TRAPPC10: variants seen among roughly 807,000 people sequenced by gnomAD.
The protein encoded by TRAPPC10 is trafficking protein particle complex subunit 10.
Under a neutral mutation model 125.5 loss-of-function variants are expected in TRAPPC10, and 23 were observed. The ratio of observed to expected loss-of-function variants is 0.18; its 90% CI spans 0.13 to 0.26. The LOEUF (loss-of-function observed/expected upper bound fraction) is 0.26, where lower values mean the gene tolerates loss of function less well. Ranked by LOEUF, TRAPPC10 falls within the 10% of genes least tolerant of loss-of-function variation. The pLI is 1.00. For missense variants in TRAPPC10, 1,123 were observed against 1,308.4 expected, an observed-to-expected ratio of 0.86 and a Z score of 2.19; for synonymous variants, 509 against 518.0, an observed-to-expected ratio of 0.98 and a Z score of 0.24.
chr21:44,023,363 T>C (rs2032744616), intron 1 of TRAPPC10, among the ~76,000 whole-genome samples: 1 of 152,108 alleles, frequency 6.6e-6, no homozygotes. Flanking sequence ...GTGAGTTGGT[T>C]CACTGGCATC....
intron 3 of TRAPPC10, among the ~76,000 whole-genome samples, chr21:44,048,442 C>T (rs190764665): frequency 6.6e-6 from 1 of 152,232 alleles, no homozygotes; most frequent in Non-Finnish European, 1.5e-5. Context: ...GTCTTGAAAA[C>T]CACTGATTCA....
intron 15 of TRAPPC10, 108 bp downstream of exon 15, chr21:44,084,371 A>C: frequency 8.7e-7 from 1 of 1,155,318 alleles, no homozygotes; most frequent in East Asian, 2.8e-5. Flanking sequence ...TGCCTTTAAG[A>C]GATATTTTGG....
Position 44,052,352 on chromosome 21 carries a change from T to C in TRAPPC10, c.358T>C (p.Ser120Pro), listed in dbSNP as rs762258574. ...KWQNVLKAHS[S>P]VDWLIVIVEN... ...GCAGAATGTTCTGAAGGCTCATAGC[T>C]CTGTGGACTGGTTAATAGTGATAGT... Residue 120 changes from serine (S) to proline (P), a missense_variant, in exon 4 of 23, where the codon TCT becomes CCT. Ser to Pro is a moderately conservative substitution (Grantham distance 74). Transcript: ENST00000291574. 7.4e-6 allele frequency: 12 copies of C among 1,613,876 alleles called. No individual in the cohort carries two copies. The highest frequency in any genetic ancestry group is 1.0e-5 in the Non-Finnish European group (12 of 1,179,968).
chr21:44,012,914 C>T (rs1028023074), intron 1 of TRAPPC10, among the ~76,000 whole-genome samples: 3 of 152,064 alleles, frequency 2.0e-5, no homozygotes, highest in South Asian at 2.1e-4. Flanking sequence ...CGCCCGGGAC[C>T]TGGGGGCCCC....
At chr21:44,061,047 C>G (rs917565839) in intron 6 of TRAPPC10, among the ~76,000 whole-genome samples, 1 of 152,126 alleles carries the variant, frequency 6.6e-6, no homozygotes, top group African/African-American at 2.4e-5. Context: ...AAGCGATTCT[C>G]TTGCCTCAGC....
rs1375788181 is a variant in TRAPPC10 at position 44,055,895 on chromosome 21, TACTTG to T, written c.678+6_678+10del. On this transcript the variant is annotated splice_donor_5th_base_variant and intron_variant, in intron 5 of 22. Coordinates refer to ENST00000291574, the MANE Select transcript of TRAPPC10 (RefSeq NM_003274.5). ...TTTTGTGAATATTTCATGGTTCAGG[TACTTG>T]ACTCATTACAGAACTAGACAGTTCC... 5.0e-6 allele frequency: 8 copies of T among 1,595,324 alleles called. No homozygotes were observed. Among genetic ancestry groups the T allele is most frequent in the Non-Finnish European group, 6.9e-6 (8 of 1,165,186 alleles).
intron 7 of TRAPPC10, among the ~76,000 whole-genome samples, chr21:44,064,176 T>A (rs2036256072): frequency 6.6e-6 from 1 of 152,258 alleles, no homozygotes; most frequent in South Asian, 2.1e-4. Flanking sequence ...ATGTAGACAT[T>A]TATTTATTTG....
intron 9 of TRAPPC10, 135 bp from the exon 10 acceptor site, chr21:44,076,417 C>T (rs180707043): frequency 9.8e-5 from 62 of 631,100 alleles, no homozygotes; most frequent in Middle Eastern, 2.7e-4. Context: ...ATGTAGTTTC[C>T]GTTGGCATTG....
At chr21:44,057,148 T>TG in intron 5 of TRAPPC10, among the ~76,000 whole-genome samples, 1 of 152,060 alleles carries the variant, frequency 6.6e-6, no homozygotes, top group South Asian at 2.1e-4. Context: ...GAAGGTGGAA[T>TG]GGGGGCTGCC....
chr21:44,029,150 A>G (rs1024632728), intron 1 of TRAPPC10, among the ~76,000 whole-genome samples: 1 of 152,160 alleles, frequency 6.6e-6, no homozygotes, highest in African/African-American at 2.4e-5. Flanking sequence ...GCTGGAGTGC[A>G]GTGGCGTGAT....
Position 44,040,350 on chromosome 21 carries a change from T to C in TRAPPC10, c.285+2423T>C, listed in dbSNP as rs141822494. ...AGATTTTTAAAAATTCTCTCTCTCT[T>C]TTTTTTTTTAAAGACAAGGTCTTAT... On this transcript the variant is annotated intron_variant, in intron 3 of 22. Transcript: ENST00000291574. 2.4e-3 allele frequency among the ~76,000 whole-genome samples: 363 copies of C among 149,040 alleles called. 2 individuals carry two copies. Among genetic ancestry groups the C allele is most frequent in the African/African-American group, 8.2e-3 (335 of 40,896 alleles).
At chr21:44,017,417 CA>C (rs1387764329) in intron 1 of TRAPPC10, among the ~76,000 whole-genome samples, 1 of 151,524 alleles carries the variant, frequency 6.6e-6, no homozygotes, top group African/African-American at 2.4e-5. Context: ...AGTCAGTGTG[CA>C]AAAAAAGTTA....
chr21:44,030,660 G>C (rs911427607), intron 1 of TRAPPC10, among the ~76,000 whole-genome samples: 2 of 151,964 alleles, frequency 1.3e-5, no homozygotes, highest in South Asian at 4.2e-4. Context: ...TAGAGACAAG[G>C]TTTCTCCATG....
In TRAPPC10 at chr21:44,035,383, T is replaced by C. The variant is rs182582956; in HGVS notation, c.150-2409T>C. Among the ~76,000 whole-genome samples the C allele has an allele frequency of 4.5e-3, 687 of 152,278 alleles. 6 individuals are homozygous for C. Among genetic ancestry groups the C allele is most frequent in the African/African-American group, 0.015 (641 of 41,566 alleles). On this transcript the variant is annotated intron_variant, in intron 2 of 22. Transcript: ENST00000291574. Reference sequence around the variant, plus strand: ...CTTATAATTTACCCAGCCTGTGATATTCTGTTACAGCAGCAGAAAACATAC... The same window carrying C: ...CTTATAATTTACCCAGCCTGTGATACTCTGTTACAGCAGCAGAAAACATAC...
At chr21:44,094,314 A>C in intron 20 of TRAPPC10, 81 bp downstream of exon 20, 1 of 1,310,884 alleles carries the variant, frequency 7.6e-7, no homozygotes, top group Admixed American at 2.0e-5. Flanking sequence ...GAAGAACTGA[A>C]TAGACAGCTT....
intron 1 of TRAPPC10, among the ~76,000 whole-genome samples, chr21:44,024,125 A>T (rs1259582213): frequency 4.6e-5 from 7 of 152,238 alleles, no homozygotes. Context: ...AAGATAAAAT[A>T]CATCATAAGT....
rs2032994418 is a variant in TRAPPC10 at position 44,025,824 on chromosome 21, GTGT to G, written c.68-6266_68-6264del. On this transcript the variant is annotated intron_variant, in intron 1 of 22. Transcript: ENST00000291574. ...GGAGAGAGCAGCAGAGGGCAGGGGT[GTGT>G]GTGTGTGTGTGTGTGTGTGTGTGTG... Among the ~76,000 whole-genome samples the G allele has an allele frequency of 5.9e-3, 9 of 1,534 alleles. 1 individual carries two copies. The highest frequency in any genetic ancestry group is 0.01 in the Non-Finnish European group (6 of 600). 1.0% of individuals were successfully genotyped at this position (1,534 alleles called of 152,430 possible).
At chr21:44,053,491 G>A (rs1278278025) in intron 4 of TRAPPC10, among the ~76,000 whole-genome samples, 1 of 152,070 alleles carries the variant, frequency 6.6e-6, no homozygotes, top group Admixed American at 6.5e-5. Context: ...CTGCTGCTGG[G>A]CTTAGGTTAT....
intron 7 of TRAPPC10, among the ~76,000 whole-genome samples, chr21:44,071,875 T>C (rs577456461): frequency 6.6e-6 from 1 of 152,256 alleles, no homozygotes; most frequent in South Asian, 2.1e-4. Context: ...GTGGCCGAGC[T>C]CACCTTCAGG....
Sources: allele counts gnomAD v4.1 joint callset (sites outside exome capture counted in the v4.1 genomes callset), GRCh38; gene constraint gnomAD v4.1.1; transcripts MANE v1.5; gene names NCBI Gene and HGNC (gene_info 2026-07-23, HGNC 2026-07-21).